Variants in SOBP observed in about 807,000 individuals in gnomAD.
SOBP encodes the protein sine oculis-binding protein homolog.
In SOBP, 4 loss-of-function variants were observed where a neutral mutation model predicts 53.6. The observed-to-expected ratio is 0.07, with a 90% confidence interval of 0.04 to 0.17. The LOEUF is 0.17. Ranked by LOEUF, SOBP falls within the 10% of genes least tolerant of loss-of-function variation. SOBP has a pLI of 1.00. For synonymous variants in SOBP, 584 were observed against 522.6 expected, an observed-to-expected ratio of 1.12 and a Z score of -1.60; for missense variants, 1,088 against 1,204.7, an observed-to-expected ratio of 0.90 and a Z score of 1.43.
At chr6:107,589,811 C>T (rs918411330) in intron 5 of SOBP, among the ~76,000 whole-genome samples, 4 of 152,232 alleles carry the variant, frequency 2.6e-5, no homozygotes, top group African/African-American at 9.6e-5. Flanking sequence ...CCACCTACCT[C>T]TTCATAGATA....
chr6:107,542,170 G>A (rs371409547), intron 4 of SOBP, among the ~76,000 whole-genome samples: 14 of 152,120 alleles, frequency 9.2e-5, no homozygotes, highest in South Asian at 4.1e-4. Flanking sequence ...AGCAGAGTGA[G>A]GGAGAGGGCT....
intron 4 of SOBP, among the ~76,000 whole-genome samples, chr6:107,577,383 T>C (rs369647194): frequency 1.3e-5 from 2 of 152,232 alleles, no homozygotes; most frequent in African/African-American, 2.4e-5. Context: ...CTTTTGGTGC[T>C]CCACCCCCTC....
intron 5 of SOBP, among the ~76,000 whole-genome samples, chr6:107,622,533 T>G (rs1770225998): frequency 6.6e-6 from 1 of 152,204 alleles, no homozygotes; most frequent in Non-Finnish European, 1.5e-5. Context: ...TCTCTGCCAA[T>G]GCAGAGAATG....
At chr6:107,584,670 G>T (rs1005368530) in intron 4 of SOBP, among the ~76,000 whole-genome samples, 2 of 152,062 alleles carry the variant, frequency 1.3e-5, no homozygotes. Flanking sequence ...CTCCACTTCC[G>T]AATCTCTTCA....
At chr6:107,611,121 G>T (rs1012365597) in intron 5 of SOBP, among the ~76,000 whole-genome samples, 1 of 152,208 alleles carries the variant, frequency 6.6e-6, no homozygotes, top group Non-Finnish European at 1.5e-5. Flanking sequence ...AGGTCAAATG[G>T]TTCTGCCCCT....
chr6:107,581,044 C>G (rs191495029), intron 4 of SOBP, among the ~76,000 whole-genome samples: 1 of 152,260 alleles, frequency 6.6e-6, no homozygotes, highest in East Asian at 1.9e-4. Flanking sequence ...TTTATGGAAC[C>G]CTTATAATAT....
At chr6:107,609,272 A>C (rs1284106897) in intron 5 of SOBP, among the ~76,000 whole-genome samples, 1 of 152,208 alleles carries the variant, frequency 6.6e-6, no homozygotes, top group African/African-American at 2.4e-5. Context: ...TAGGCATTCT[A>C]ATATTTTCTT....
chr6:107,651,825 G>A (rs1472515397), intron 6 of SOBP, among the ~76,000 whole-genome samples: 1 of 152,042 alleles, frequency 6.6e-6, no homozygotes, highest in Admixed American at 6.6e-5. Flanking sequence ...AAAATCCTAG[G>A]GCCTTTAAGA....
intron 4 of SOBP, among the ~76,000 whole-genome samples, chr6:107,539,599 T>C (rs77982217): frequency 0.017 from 2,560 of 152,320 alleles, 69 homozygotes; most frequent in African/African-American, 0.056. Context: ...AGTGTCAGAT[T>C]GCATCAGCCA....
chr6:107,518,998 A>ATAC (rs1379447997), intron 3 of SOBP, among the ~76,000 whole-genome samples: 1 of 151,874 alleles, frequency 6.6e-6, no homozygotes, highest in African/African-American at 2.4e-5. Context: ...TACCAAGTGA[A>ATAC]ATGCAAATGT....
chr6:107,641,591 T>C (rs1771322160), intron 6 of SOBP, among the ~76,000 whole-genome samples: 1 of 152,092 alleles, frequency 6.6e-6, no homozygotes, highest in Admixed American at 6.5e-5. Flanking sequence ...AGTATGCCTC[T>C]TTACTTGGAG....
chr6:107,586,078 G>A (rs1412589673), intron 4 of SOBP, among the ~76,000 whole-genome samples: 1 of 152,170 alleles, frequency 6.6e-6, no homozygotes, highest in African/African-American at 2.4e-5. Flanking sequence ...CTCTCCCTGT[G>A]TTTCTCTCCT....
chr6:107,517,171 A>G (rs1279934806), intron 3 of SOBP, among the ~76,000 whole-genome samples: 1 of 152,238 alleles, frequency 6.6e-6, no homozygotes, highest in African/African-American at 2.4e-5. Context: ...ATGTAGGTAT[A>G]AACAATTATA....
chr6:107,496,096 A>G (rs1356086261), intron 1 of SOBP, among the ~76,000 whole-genome samples: 1 of 152,220 alleles, frequency 6.6e-6, no homozygotes, highest in Non-Finnish European at 1.5e-5. Flanking sequence ...ATATTTTAGG[A>G]TCTGTAGACC....
chr6:107,583,652 A>G (rs1450423252), intron 4 of SOBP, among the ~76,000 whole-genome samples: 5 of 152,120 alleles, frequency 3.3e-5, no homozygotes, highest in East Asian at 1.9e-4. Context: ...CAGCCTCCCA[A>G]GTAGCTAGGA....
intron 4 of SOBP, 142 bp downstream of exon 4, chr6:107,533,752 G>A (rs1783913032): frequency 9.3e-7 from 1 of 1,073,348 alleles, no homozygotes; most frequent in East Asian, 2.6e-5. Flanking sequence ...TTCCCCTTTT[G>A]TGTCATGCTT....
intron 3 of SOBP, among the ~76,000 whole-genome samples, chr6:107,532,245 A>T (rs968451773): frequency 2.5e-3 from 229 of 92,292 alleles, no homozygotes; most frequent in African/African-American, 9.8e-3. Context: ...TCTCTCTCAC[A>T]CACACACACA....
chr6:107,567,922 T>C (rs1784964410), intron 4 of SOBP, among the ~76,000 whole-genome samples: 1 of 152,216 alleles, frequency 6.6e-6, no homozygotes, highest in Non-Finnish European at 1.5e-5. Context: ...CTCCACCTTT[T>C]CTGGCTCCAG....
chr6:107,528,763 G>A (rs1267684914), intron 3 of SOBP, among the ~76,000 whole-genome samples: 4 of 152,302 alleles, frequency 2.6e-5, no homozygotes, highest in Non-Finnish European at 5.9e-5. Flanking sequence ...GTGGAGAGAG[G>A]TCTGTGAGGA....
Sources: allele counts gnomAD v4.1 joint callset (sites outside exome capture counted in the v4.1 genomes callset), GRCh38; gene constraint gnomAD v4.1.1; transcripts MANE v1.5; gene names NCBI Gene and HGNC (gene_info 2026-07-23, HGNC 2026-07-21).